DENND1A: variants seen among roughly 807,000 people sequenced by gnomAD.
DENND1A encodes DENN domain-containing protein 1A.
DENND1A carries 51 observed loss-of-function variants against 113.7 expected under a neutral mutation model. That is an observed-to-expected ratio of 0.45 (90% confidence interval 0.36 to 0.57). DENND1A has a LOEUF of 0.57. Among genes scored for constraint, DENND1A ranks in the 20% least tolerant of loss-of-function variants. The pLI, the probability that DENND1A is intolerant of heterozygous loss-of-function variation, is 0.00. For missense variants in DENND1A, 1,258 were observed against 1,395.9 expected (o/e 0.90, Z 1.57); for synonymous variants, 565 against 570.8 (o/e 0.99, Z 0.14).
At chr9:123,789,515 G>A (rs1168071826) in intron 3 of DENND1A, among the ~76,000 whole-genome samples, 1 of 152,070 alleles carries the variant, frequency 6.6e-6, no homozygotes, top group African/African-American at 2.4e-5. Context: ...TAAACGAGAA[G>A]CAAAAAGATG....
intron 9 of DENND1A, among the ~76,000 whole-genome samples, chr9:123,631,333 C>A (rs2061466991): frequency 6.6e-6 from 1 of 152,032 alleles, no homozygotes; most frequent in African/African-American, 2.4e-5. Flanking sequence ...TCATATGTTT[C>A]TTCACTATAT....
chr9:123,792,510 A>G, intron 3 of DENND1A, 77 bp downstream of exon 3: 1 of 1,445,762 alleles, frequency 6.9e-7, no homozygotes, highest in Non-Finnish European at 9.5e-7. Flanking sequence ...CTCTTTCAGT[A>G]AAAAGAACAG....
intron 2 of DENND1A, among the ~76,000 whole-genome samples, chr9:123,806,201 G>A (rs981716837): frequency 2.5e-4 from 38 of 152,032 alleles, no homozygotes; most frequent in African/African-American, 8.9e-4. Context: ...GGATCCACCC[G>A]CCTCAGCCTC....
At chr9:123,797,848 AT>A (rs1834010372) in intron 2 of DENND1A, among the ~76,000 whole-genome samples, 1 of 151,990 alleles carries the variant, frequency 6.6e-6, no homozygotes, top group African/African-American at 2.4e-5. Context: ...TTCCTTTTGA[AT>A]TTTTTTAATT....
rs2045410883 is a variant in DENND1A, at chr9:123,422,814, A to T, written c.1489-10985T>A. ...GGGAAAACGTGTGACATTTTTATTC[A>T]TGGTGGCGTACGCCCTTGTAATGAT... is the stretch of plus-strand genomic sequence containing the variant. On this transcript the variant is annotated intron_variant, in intron 19 of 23. Transcript: ENST00000394215. This position sits in a 1 kb window ranked among gnomAD's most constrained non-coding sequence, Gnocchi z 4.8. 1.3e-5 allele frequency among the ~76,000 whole-genome samples: 2 copies of T among 152,126 alleles called. No individual in the cohort carries two copies. Among genetic ancestry groups the T allele is most frequent in the Non-Finnish European group, 2.9e-5 (2 of 68,022 alleles).
intron 13 of DENND1A, among the ~76,000 whole-genome samples, chr9:123,469,924 G>A (rs1384641219): frequency 6.6e-6 from 1 of 152,214 alleles, no homozygotes; most frequent in South Asian, 2.1e-4. Context: ...TGGCCCTGGG[G>A]CTCATGCAGC....
At chr9:123,873,113 T>TC (rs1846908401) in intron 2 of DENND1A, among the ~76,000 whole-genome samples, 1 of 152,174 alleles carries the variant, frequency 6.6e-6, no homozygotes, top group Non-Finnish European at 1.5e-5. Context: ...ATGCATTAAA[T>TC]ATTAGAAAAA....
At chr9:123,469,476 A>G (rs1347035291) in intron 13 of DENND1A, among the ~76,000 whole-genome samples, 1 of 152,228 alleles carries the variant, frequency 6.6e-6, no homozygotes, top group African/African-American at 2.4e-5. Flanking sequence ...GTGTCGGCCC[A>G]CGCCTCGGCT....
chr9:123,912,910 C>T (rs1015162906), intron 1 of DENND1A, among the ~76,000 whole-genome samples: 1 of 152,038 alleles, frequency 6.6e-6, no homozygotes, highest in African/African-American at 2.4e-5. Flanking sequence ...AGGCATTACC[C>T]CACCCAGCCA....
At chr9:123,750,032 A>T (rs1341566111) in intron 5 of DENND1A, among the ~76,000 whole-genome samples, 2 of 152,208 alleles carry the variant, frequency 1.3e-5, no homozygotes, top group African/African-American at 4.8e-5. Flanking sequence ...GAAAAGAATC[A>T]GGAGGAGAAA....
At chr9:123,558,967 A>G (rs1352150252) in intron 12 of DENND1A, among the ~76,000 whole-genome samples, 1 of 152,226 alleles carries the variant, frequency 6.6e-6, no homozygotes, top group Non-Finnish European at 1.5e-5. Context: ...TGAGAAAAAC[A>G]GGAATGCATG....
At chr9:123,543,001 C>T (rs533497553) in intron 13 of DENND1A, among the ~76,000 whole-genome samples, 15 of 152,346 alleles carry the variant, frequency 9.8e-5, no homozygotes, top group Non-Finnish European at 1.3e-4. Flanking sequence ...CCAAGTAGAG[C>T]AGCCTGCCGT....
chr9:123,446,657 C>T (rs539891529), intron 18 of DENND1A, among the ~76,000 whole-genome samples: 1 of 152,050 alleles, frequency 6.6e-6, no homozygotes, highest in South Asian at 2.1e-4. Context: ...AAACTCTGTC[C>T]CTAAAAAAAA....
chr9:123,688,450 A>G (rs1264053060), intron 5 of DENND1A, among the ~76,000 whole-genome samples: 1 of 152,234 alleles, frequency 6.6e-6, no homozygotes, highest in African/African-American at 2.4e-5. Flanking sequence ...AGAGTGGAAT[A>G]TGGCATAACT....
chr9:123,481,792 TCTTTC>T (rs1369306473), intron 13 of DENND1A, among the ~76,000 whole-genome samples: 2 of 148,212 alleles, frequency 1.3e-5, no homozygotes, highest in African/African-American at 5.1e-5. Flanking sequence ...CTTTTTTCTT[TCTTTC>T]TTTTTTTTTT....
At chr9:123,552,047 G>C (rs1022151640) in intron 13 of DENND1A, among the ~76,000 whole-genome samples, 2 of 148,812 alleles carry the variant, frequency 1.3e-5, no homozygotes, top group Non-Finnish European at 3.0e-5. Context: ...GACAGAGAGA[G>C]AGAGAGAGAG....
At chr9:123,623,751 A>C (rs894184589) in intron 10 of DENND1A, among the ~76,000 whole-genome samples, 2 of 152,220 alleles carry the variant, frequency 1.3e-5, no homozygotes, top group African/African-American at 4.8e-5. Flanking sequence ...TATTAACTGC[A>C]TGCAAACTAG....
At chr9:123,392,463 TA>T (rs1202557100) in intron 21 of DENND1A, among the ~76,000 whole-genome samples, 2 of 152,172 alleles carry the variant, frequency 1.3e-5, no homozygotes, top group African/African-American at 2.4e-5. Context: ...CCTCGCTTTG[TA>T]AATGTCTTGG....
At chr9:123,774,372 G>GTT (rs1197229701) in intron 3 of DENND1A, among the ~76,000 whole-genome samples, 2 of 152,144 alleles carry the variant, frequency 1.3e-5, no homozygotes, top group Non-Finnish European at 2.9e-5. Flanking sequence ...GCTCACAAAG[G>GTT]TTTTAAATGC....
Sources: gnomAD v4.1 joint callset for allele counts (sites outside exome capture counted in the v4.1 genomes callset) on GRCh38, gnomAD v4.1.1 for gene constraint, Gnocchi (gnomAD v3.1) non-coding constraint, MANE v1.5 for transcripts, NCBI Gene and HGNC (gene_info 2026-07-23, HGNC 2026-07-21) for gene names.